TMEM245: variants seen among roughly 807,000 people sequenced by gnomAD.
TMEM245 encodes the protein transmembrane protein 245, also known as protein CG-2.
A neutral mutation model predicts 101.2 loss-of-function variants in TMEM245; 69 were observed. The ratio of observed to expected loss-of-function variants is 0.68; its 90% CI spans 0.56 to 0.83. The LOEUF (loss-of-function observed/expected upper bound fraction) is 0.83. Ranked by LOEUF, TMEM245 falls within the 40% of genes least tolerant of loss-of-function variation. The pLI is 0.00. For missense variants in TMEM245, 1,075 were observed against 1,092.8 expected (o/e 0.98, Z 0.23); for synonymous variants, 537 against 449.8 (o/e 1.19, Z -2.45).
intron 17 of TMEM245, among the ~76,000 whole-genome samples, chr9:109,027,506 C>T (rs1827824631): frequency 6.6e-6 from 1 of 152,134 alleles, no homozygotes; most frequent in African/African-American, 2.4e-5. Context: ...AGGCTGGCAG[C>T]CAGGCTTTTA....
Position 109,060,370 on chromosome 9 carries a change from TG to T in TMEM245, c.1705del (p.His569ThrfsTer5), listed in dbSNP as rs1828973422. On this transcript the variant is annotated frameshift_variant, in exon 11 of 18. Coordinates refer to ENST00000374586, the MANE Select transcript of TMEM245 (RefSeq NM_032012.4). LOFTEE classifies it high-confidence loss of function. ...QVLELWDRLY[H>X]SWFVKNVTHS... ...ATAACTTACCTTTACAAACCAAGAG[TG>T]ATACAGTCTGTCCCAAAGTTCTAGT... 6.2e-7 allele frequency: 1 copy of T among 1,612,398 alleles called. No homozygotes were observed. Among genetic ancestry groups the T allele is most frequent in the South Asian group, 1.1e-5 (1 of 90,786 alleles).
chr9:109,100,253 TACTC>T (rs2132612460), intron 3 of TMEM245, among the ~76,000 whole-genome samples: 1 of 152,288 alleles, frequency 6.6e-6, no homozygotes, highest in South Asian at 2.1e-4. Context: ...GACTGACACT[TACTC>T]AAAGAGCCTG....
intron 8 of TMEM245, among the ~76,000 whole-genome samples, chr9:109,079,421 C>G (rs1210317281): frequency 1.3e-5 from 2 of 151,842 alleles, no homozygotes; most frequent in African/African-American, 4.8e-5. Context: ...ATGAGAAGAA[C>G]AGACAACTGG....
At chr9:109,110,669 C>T (rs1830545305) in intron 1 of TMEM245, among the ~76,000 whole-genome samples, 3 of 152,028 alleles carry the variant, frequency 2.0e-5, no homozygotes, top group Non-Finnish European at 4.4e-5. Flanking sequence ...AGACTAGAGG[C>T]ACAATAACAG....
chr9:109,046,320 GCAT>G (rs764098836), intron 14 of TMEM245: 2 of 534,008 alleles, frequency 3.7e-6, no homozygotes, highest in Non-Finnish European at 7.7e-6. Context: ...CAGAATGGGA[GCAT>G]CAGGGAAGAA....
intron 3 of TMEM245, among the ~76,000 whole-genome samples, chr9:109,098,194 G>C (rs1830191635): frequency 6.6e-6 from 1 of 152,052 alleles, no homozygotes; most frequent in South Asian, 2.1e-4. Flanking sequence ...AAAGATTCGA[G>C]AAAAAGCTAA....
In TMEM245 at chr9:109,096,426, G is replaced by A. The variant is rs559566891; in HGVS notation, c.800-2835C>T. On this transcript the variant is annotated intron_variant, in intron 3 of 17. Transcript: ENST00000374586. The stretch of plus-strand genomic sequence containing the variant: ...CAGGAGGCAGAGGTTGCAGTGAGCC[G>A]AGATCGTATTATTGAGCTGAGATCA... Among the ~76,000 whole-genome samples the A allele has an allele frequency of 8.5e-5, 13 of 152,306 alleles. No homozygotes were observed. In the East Asian group the frequency reaches 1.5e-3, roughly 18 times the overall value.
At position 109,036,265 on chromosome 9, in the gene TMEM245, C is replaced by T; in HGVS notation, c.2340G>A (p.Leu780=). 1 of 1,613,404 alleles carries T rather than the reference C, an allele frequency of 6.2e-7. No homozygotes were observed. The highest frequency in any genetic ancestry group is 8.5e-7 in the Non-Finnish European group (1 of 1,179,776). ...QGLGCKAILL[L]IFHLLPTYFV... The stretch of plus-strand genomic sequence containing the variant: ...AGTATGTTGGCAAGAGATGAAAAAT[C>T]AACAGTAAAATGGCCTTGCATCCTA... The change falls in exon 16 of 18, where the codon TTG becomes TTA. Residue 780 remains leucine, a synonymous_variant. Transcript: ENST00000374586.
intron 12 of TMEM245, among the ~76,000 whole-genome samples, chr9:109,052,245 C>A (rs1375674678): frequency 6.6e-6 from 1 of 152,220 alleles, no homozygotes; most frequent in Non-Finnish European, 1.5e-5. Flanking sequence ...TAAAATGCTT[C>A]CATAGACCTC....
chr9:109,098,379 C>A (rs1312148875), intron 3 of TMEM245, among the ~76,000 whole-genome samples: 2 of 152,024 alleles, frequency 1.3e-5, no homozygotes, highest in Non-Finnish European at 2.9e-5. Flanking sequence ...CCTCAGACTT[C>A]ACAAAAGCAT....
At chr9:109,023,769 G>A (rs948228384) in intron 17 of TMEM245, among the ~76,000 whole-genome samples, 14 of 151,584 alleles carry the variant, frequency 9.2e-5, no homozygotes, top group Middle Eastern at 3.4e-3. Flanking sequence ...CTGGGAGGTG[G>A]AGCTTGCAGT....
At position 109,083,925 on chromosome 9, in the gene TMEM245, A is replaced by AAAAAAAAAAAAAAAC. The variant is rs1554725114; in HGVS notation, c.1344+2071_1344+2072insGTTTTTTTTTTTTTT. The stretch of plus-strand genomic sequence containing the variant: ...ACAAAAAAAAAAAAAAAAAAAAAAA[A>AAAAAAAAAAAAAAAC]AAAACACCAGGCATGGTGGTGCACA... On this transcript the variant is annotated intron_variant, in intron 7 of 17. Transcript: ENST00000374586. 5.0e-5 allele frequency among the ~76,000 whole-genome samples: 7 copies of AAAAAAAAAAAAAAAC among 140,876 alleles called. No homozygotes were observed. In the East Asian group the frequency reaches 6.9e-4, roughly 14 times the overall value. 92.4% of individuals were successfully genotyped at this position (140,876 alleles called of 152,430 possible).
At chr9:109,040,550 T>A (rs943753052) in intron 14 of TMEM245, among the ~76,000 whole-genome samples, 1 of 152,230 alleles carries the variant, frequency 6.6e-6, no homozygotes, top group African/African-American at 2.4e-5. Flanking sequence ...TCACTATAAT[T>A]CTGCCTTTTC....
At position 109,019,428 on chromosome 9, in the gene TMEM245, T is replaced by C. The variant is rs1827553536; in HGVS notation, c.*1032A>G. ...CTGATGTGATGTACTTGTGAAATAG[T>C]ATGTGCAAAAGGACTTTGTAAAATG... On this transcript the variant is annotated 3_prime_UTR_variant, in exon 18 of 18. Coordinates refer to ENST00000374586, the MANE Select transcript of TMEM245 (RefSeq NM_032012.4). 6.6e-6 allele frequency: 1 copy of C among 152,250 alleles called. No homozygotes were observed. The highest frequency in any genetic ancestry group is 1.5e-5 in the Non-Finnish European group (1 of 68,046). 9.4% of individuals were successfully genotyped at this position (152,250 alleles called of 1,614,324 possible). A position where few individuals can be genotyped will look rare whatever the true frequency, so the allele number is the denominator to read the frequency against.
intron 3 of TMEM245, among the ~76,000 whole-genome samples, chr9:109,104,464 T>TC (rs952972001): frequency 6.6e-5 from 10 of 151,840 alleles, no homozygotes; most frequent in East Asian, 1.9e-4. Context: ...ATGGCAATGC[T>TC]CCCCCCCGCC....
intron 8 of TMEM245, among the ~76,000 whole-genome samples, chr9:109,080,508 A>G (rs943350870): frequency 1.1e-4 from 17 of 152,098 alleles, no homozygotes; most frequent in Non-Finnish European, 2.2e-4. Flanking sequence ...AATACTAACT[A>G]GATTAGAATT....
At chr9:109,022,870 C>A (rs1035537552) in intron 17 of TMEM245, among the ~76,000 whole-genome samples, 2 of 152,238 alleles carry the variant, frequency 1.3e-5, no homozygotes, top group African/African-American at 2.4e-5. Context: ...TCCCTGACAT[C>A]TTTTCAAATT....
intron 11 of TMEM245, among the ~76,000 whole-genome samples, chr9:109,058,848 C>T (rs1365775336): frequency 3.3e-5 from 5 of 152,172 alleles, no homozygotes; most frequent in Non-Finnish European, 7.3e-5. Flanking sequence ...TCATGTGATC[C>T]TCCCACTTCA....
At chr9:109,062,883 T>C (rs1829056980) in intron 10 of TMEM245, among the ~76,000 whole-genome samples, 1 of 151,704 alleles carries the variant, frequency 6.6e-6, no homozygotes, top group Non-Finnish European at 1.5e-5. Context: ...AGTGGTAGGA[T>C]CACTTGAGCC....
Sources: allele counts gnomAD v4.1 joint callset (sites outside exome capture counted in the v4.1 genomes callset), GRCh38; gene constraint gnomAD v4.1.1; transcripts MANE v1.5; gene names NCBI Gene and HGNC (gene_info 2026-07-23, HGNC 2026-07-21).